JMJD1C: variants seen among roughly 807,000 people sequenced by gnomAD.
JMJD1C encodes jumonji domain-containing protein 1C.
JMJD1C carries 31 observed loss-of-function variants against 245.3 expected under a neutral mutation model. The ratio of observed to expected loss-of-function variants is 0.13; its 90% CI spans 0.09 to 0.17. The LOEUF (loss-of-function observed/expected upper bound fraction) is 0.17, where lower values mean the gene tolerates loss of function less well. JMJD1C is among the 10% of genes least tolerant of loss of function. The pLI is 1.00. For synonymous variants in JMJD1C, 1,057 were observed against 1,017.4 expected, an observed-to-expected ratio of 1.04 and a Z score of -0.74; for missense variants, 2,691 against 3,000.2, an observed-to-expected ratio of 0.90 and a Z score of 2.41.
At chr10:63,185,348 T>G (rs1844004387) in intron 20 of JMJD1C, among the ~76,000 whole-genome samples, 1 of 152,092 alleles carries the variant, frequency 6.6e-6, no homozygotes, top group Admixed American at 6.5e-5. Context: ...GCCAGACTGA[T>G]CTCCAAGTCT....
intron 2 of JMJD1C, among the ~76,000 whole-genome samples, chr10:63,358,399 A>T (rs1589572908): frequency 1.1e-5 from 1 of 92,562 alleles, no homozygotes; most frequent in African/African-American, 2.9e-5. Context: ...GAAATGGGGT[A>T]AAAAAAAAAA....
intron 2 of JMJD1C, among the ~76,000 whole-genome samples, chr10:63,365,124 C>A (rs1945728491): frequency 6.6e-6 from 1 of 152,192 alleles, no homozygotes; most frequent in Non-Finnish European, 1.5e-5. Flanking sequence ...CGCCTTCCAA[C>A]CTTTTTGGAT....
chr10:63,284,847 CA>C, intron 2 of JMJD1C, among the ~76,000 whole-genome samples: 1 of 144,818 alleles, frequency 6.9e-6, no homozygotes, highest in East Asian at 2.0e-4. Context: ...CATTCCCTGG[CA>C]GGGAAGATTC....
intron 1 of JMJD1C, among the ~76,000 whole-genome samples, chr10:63,514,975 A>G (rs928192339): frequency 4.6e-5 from 7 of 151,926 alleles, no homozygotes; most frequent in African/African-American, 1.7e-4. Context: ...CCTACAGTAA[A>G]CAGGTGTTTT....
At position 63,465,423 on chromosome 10, in the gene JMJD1C, A is replaced by T; in HGVS notation, c.168+72T>A. 7 of 1,414,916 alleles carry T rather than the reference A, an allele frequency of 4.9e-6. No homozygotes were observed. In the South Asian group the frequency reaches 9.5e-5, roughly 19 times the overall value. The allele number at this position is 1,414,916 out of a possible 1,614,324, so 87.6% of individuals were successfully genotyped here. A position where few individuals can be genotyped will look rare whatever the true frequency, so the allele number is the denominator to read the frequency against. On this transcript the variant is annotated intron_variant, in intron 1 of 25. Transcript: ENST00000399262. ...CGGGCTGAGCGAGGCGCCAGAGGGA[A>T]GCCTGCAAGGTACGTCTGCGAGAGC...
chr10:63,351,384 A>T (rs1195728220), intron 2 of JMJD1C, among the ~76,000 whole-genome samples: 1 of 152,178 alleles, frequency 6.6e-6, no homozygotes, highest in Non-Finnish European at 1.5e-5. Context: ...CACTGCACCC[A>T]GCCTATAACC....
Position 63,280,353 on chromosome 10 carries a change from T to C in JMJD1C, c.334-15589A>G, listed in dbSNP as rs144914512. Among the ~76,000 whole-genome samples, 1,404 of 151,586 alleles carry C rather than the reference T, an allele frequency of 9.3e-3. 18 individuals are homozygous for C. The highest frequency in any genetic ancestry group is 0.031 in the African/African-American group (1,283 of 41,320). ...TCACAAGGTCAAGAGATTGAGACCATCCTGGCCAACATGGTGAAACCCGGT... is the reference window on the plus strand; with the variant it reads ...TCACAAGGTCAAGAGATTGAGACCACCCTGGCCAACATGGTGAAACCCGGT... On this transcript the variant is annotated intron_variant, in intron 2 of 25. Coordinates refer to ENST00000399262, the MANE Select transcript of JMJD1C (RefSeq NM_032776.3).
chr10:63,445,504 G>A (rs1951659705), intron 1 of JMJD1C, among the ~76,000 whole-genome samples: 1 of 152,162 alleles, frequency 6.6e-6, no homozygotes, highest in South Asian at 2.1e-4. Context: ...ACAGCAAAAA[G>A]GCCAAGTAAG....
At chr10:63,486,796 T>A (rs1191991793) in intron 1 of JMJD1C, among the ~76,000 whole-genome samples, 1 of 152,122 alleles carries the variant, frequency 6.6e-6, no homozygotes, top group Non-Finnish European at 1.5e-5. Flanking sequence ...AAAATGGGGC[T>A]CTCTGAGCAC....
At chr10:63,194,494 G>A (rs1845218790) in intron 13 of JMJD1C, 119 bp from the exon 14 acceptor site, 23 of 591,432 alleles carry the variant, frequency 3.9e-5, no homozygotes, top group Middle Eastern at 4.5e-4. Flanking sequence ...CAGCCAAAGA[G>A]AAAAAGAAAA....
chr10:63,408,589 G>A (rs565641001), intron 1 of JMJD1C, among the ~76,000 whole-genome samples: 1 of 151,970 alleles, frequency 6.6e-6, no homozygotes, highest in East Asian at 1.9e-4. Flanking sequence ...CAAATTCTGA[G>A]GAAAAATCAT....
At chr10:63,258,187 G>A (rs1480938731) in intron 3 of JMJD1C, among the ~76,000 whole-genome samples, 3 of 152,174 alleles carry the variant, frequency 2.0e-5, no homozygotes, top group African/African-American at 4.8e-5. Flanking sequence ...GAGGTAGACA[G>A]TATTTACAGT....
chr10:63,440,925 A>G (rs1436154478), intron 1 of JMJD1C, among the ~76,000 whole-genome samples: 2 of 152,228 alleles, frequency 1.3e-5, no homozygotes, highest in East Asian at 3.9e-4. Context: ...AGAGAGGTTA[A>G]ATCATACAAG....
At chr10:63,408,230 CCT>C (rs1364955448) in intron 1 of JMJD1C, among the ~76,000 whole-genome samples, 3 of 152,022 alleles carry the variant, frequency 2.0e-5, no homozygotes, top group East Asian at 1.9e-4. Context: ...GGTGAAACCC[CCT>C]CTCTACTAAA....
At chr10:63,370,049 C>T (rs1423910248) in intron 2 of JMJD1C, among the ~76,000 whole-genome samples, 1 of 152,176 alleles carries the variant, frequency 6.6e-6, no homozygotes, top group Non-Finnish European at 1.5e-5. Flanking sequence ...AAATCAAAGA[C>T]TCAGATGAGT....
intron 3 of JMJD1C, among the ~76,000 whole-genome samples, chr10:63,247,719 CAAAAA>C (rs71025135): frequency 3.4e-4 from 36 of 105,472 alleles, no homozygotes; most frequent in East Asian, 9.4e-4. Context: ...GTGACAGAGC[CAAAAA>C]AAAAAAAAAA....
intron 2 of JMJD1C, among the ~76,000 whole-genome samples, chr10:63,367,137 A>T (rs1433525325): frequency 6.6e-6 from 1 of 152,234 alleles, no homozygotes; most frequent in Admixed American, 6.5e-5. Flanking sequence ...GTCACACTGC[A>T]GCACTCTCAG....
intron 22 of JMJD1C, among the ~76,000 whole-genome samples, chr10:63,179,906 G>GT (rs1340836265): frequency 6.6e-6 from 1 of 152,148 alleles, no homozygotes; most frequent in Non-Finnish European, 1.5e-5. Context: ...AAAGAAAGCT[G>GT]TTACCTGCTA....
Position 63,215,675 on chromosome 10 carries a change from C to T in JMJD1C, c.700G>A (p.Asp234Asn), listed in dbSNP as rs1403400499. Residue 234 changes from aspartate (D) to asparagine (N), a missense_variant, in exon 6 of 26, where the codon GAT becomes AAT. Asp to Asn is a conservative substitution (Grantham distance 23). Coordinates refer to ENST00000399262, the MANE Select transcript of JMJD1C (RefSeq NM_032776.3). ...AAGGTCATTTGAACCATAGAAGGAT[C>T]GACATTCTGTGGTTCTAGTACCTAA... ...NDQVLEPQNV[D>N]PSMVQMTFLD... 16 of 1,588,518 alleles carry T rather than the reference C, an allele frequency of 1.0e-5. No individual in the cohort carries two copies. The highest frequency in any genetic ancestry group is 1.3e-5 in the Non-Finnish European group (15 of 1,161,132).
Sources: gnomAD v4.1 joint callset for allele counts (sites outside exome capture counted in the v4.1 genomes callset) on GRCh38, gnomAD v4.1.1 for gene constraint, MANE v1.5 for transcripts, NCBI Gene and HGNC (gene_info 2026-07-23, HGNC 2026-07-21) for gene names.